The following TAFA1 variants were observed in gnomAD, a reference collection of about 807,000 sequenced individuals.
TAFA1 encodes the protein chemokine-like protein TAFA-1.
A neutral mutation model predicts 18.5 loss-of-function variants in TAFA1; 4 were observed. The ratio of observed to expected loss-of-function variants is 0.22; its 90% CI spans 0.11 to 0.49. The LOEUF (loss-of-function observed/expected upper bound fraction) is 0.49. Ranked by LOEUF, TAFA1 falls within the 20% of genes least tolerant of loss-of-function variation. The pLI, the probability that TAFA1 is intolerant of heterozygous loss-of-function variation, is 0.98. For synonymous variants in TAFA1, 56 were observed against 55.2 expected (o/e 1.01, Z -0.06); for missense variants, 147 against 169.0 (o/e 0.87, Z 0.72).
In TAFA1 at chr3:68,187,907, A is replaced by T. The variant is rs545694995; in HGVS notation, c.118+181163A>T. Reference sequence around the variant, plus strand: ...GGCTTTAATTTGCATTTTGTTAATTACTAATGAAGTTGAGCAATTGTTTGC... The same window carrying T: ...GGCTTTAATTTGCATTTTGTTAATTTCTAATGAAGTTGAGCAATTGTTTGC... On this transcript the variant is annotated intron_variant, in intron 2 of 4. Coordinates refer to ENST00000478136, the MANE Select transcript of TAFA1 (RefSeq NM_213609.4). Among the ~76,000 whole-genome samples, 3 of 152,110 alleles carry T rather than the reference A, an allele frequency of 2.0e-5. No homozygotes were observed. The South Asian group carries it at 6.2e-4, about 32-fold the overall frequency.
intron 3 of TAFA1, among the ~76,000 whole-genome samples, chr3:68,418,155 G>A (rs138552212): frequency 7.2e-5 from 11 of 152,120 alleles, no homozygotes; most frequent in Admixed American, 1.3e-4. Flanking sequence ...ATGCGCATCC[G>A]TGTGAAGATA....
rs1364022815 is a variant in TAFA1 at position 68,538,622 on chromosome 3, T to G, written c.260-134T>G. On this transcript the variant is annotated intron_variant, in intron 3 of 4. Coordinates refer to ENST00000478136, the MANE Select transcript of TAFA1 (RefSeq NM_213609.4). ...AAATCTTATTTTTTTAATAGAGCTT[T>G]CTTAGCTAGTCATGGAGGATTAAAG... is the stretch of plus-strand genomic sequence containing the variant. 1.3e-5 allele frequency: 10 copies of G among 750,896 alleles called. No homozygotes were observed. The East Asian group carries it at 2.5e-4, about 19-fold the overall frequency. The allele number at this position is 750,896 out of a possible 1,614,324, so 46.5% of individuals were successfully genotyped here. A position where few individuals can be genotyped will look rare whatever the true frequency, so the allele number is the denominator to read the frequency against.
At chr3:68,001,743 A>G (rs918977573), upstream of TAFA1, among the ~76,000 whole-genome samples, 5 of 152,200 alleles carry the variant, frequency 3.3e-5, no homozygotes, top group African/African-American at 4.8e-5. Context: ...ATTACAAGAT[A>G]AAGTTTTCAT....
In TAFA1 at chr3:68,090,248, C is replaced by T. The variant is rs1228853131; in HGVS notation, c.118+83504C>T. ...TATGTTTCTGTCTTTTAGAATCAAA[C>T]ATTTATTCTGAGATGCTTACAGATT... On this transcript the variant is annotated intron_variant, in intron 2 of 4. Coordinates refer to ENST00000478136, the MANE Select transcript of TAFA1 (RefSeq NM_213609.4). Among the ~76,000 whole-genome samples the T allele has an allele frequency of 2.0e-5, 3 of 152,120 alleles. No homozygotes were observed. In the East Asian group the frequency reaches 5.8e-4, roughly 29 times the overall value.
At chr3:68,119,689 T>C (rs1575626898) in intron 2 of TAFA1, among the ~76,000 whole-genome samples, 1 of 152,312 alleles carries the variant, frequency 6.6e-6, no homozygotes, top group East Asian at 1.9e-4. Context: ...TGAGCAGATA[T>C]GTGAGGGCTT....
chr3:68,155,512 C>T (rs1300588124), intron 2 of TAFA1, among the ~76,000 whole-genome samples: 2 of 152,088 alleles, frequency 1.3e-5, no homozygotes, highest in Non-Finnish European at 2.9e-5. Context: ...TGTCTCAAAC[C>T]CTAATCCCTG....
chr3:68,206,843 G>A (rs1455482825), intron 2 of TAFA1, among the ~76,000 whole-genome samples: 1 of 151,822 alleles, frequency 6.6e-6, no homozygotes, highest in Non-Finnish European at 1.5e-5. Context: ...AGTTACCCTA[G>A]CCCGGAGAAA....
At chr3:68,007,204 GT>G (rs1704373283) in intron 2 of TAFA1, among the ~76,000 whole-genome samples, 2 of 152,196 alleles carry the variant, frequency 1.3e-5, no homozygotes, top group African/African-American at 4.8e-5. Flanking sequence ...TTCTTGCCTG[GT>G]TTAATGTGCC....
chr3:68,209,435 T>A (rs967652194), intron 2 of TAFA1, among the ~76,000 whole-genome samples: 4 of 152,072 alleles, frequency 2.6e-5, no homozygotes, highest in African/African-American at 9.7e-5. Flanking sequence ...AAATGGATAA[T>A]GTGGCTCTAT....
At chr3:68,346,640 G>A (rs1559627209) in intron 2 of TAFA1, among the ~76,000 whole-genome samples, 1 of 152,170 alleles carries the variant, frequency 6.6e-6, no homozygotes, top group Non-Finnish European at 1.5e-5. Context: ...CATTTTTGAG[G>A]CTCTATCATC....
At chr3:68,488,138 G>C (rs1223341255) in intron 3 of TAFA1, among the ~76,000 whole-genome samples, 1 of 152,132 alleles carries the variant, frequency 6.6e-6, no homozygotes, top group African/African-American at 2.4e-5. Flanking sequence ...AGTTTATTAA[G>C]GAGTATTGAC....
At chr3:68,162,538 AC>A (rs1416599846) in intron 2 of TAFA1, among the ~76,000 whole-genome samples, 1 of 152,156 alleles carries the variant, frequency 6.6e-6, no homozygotes, top group Admixed American at 6.5e-5. Context: ...CCTGGTCTGG[AC>A]CACTCTGCTC....
At chr3:68,241,168 A>C (rs952931137) in intron 2 of TAFA1, among the ~76,000 whole-genome samples, 6 of 152,190 alleles carry the variant, frequency 3.9e-5, no homozygotes, top group Admixed American at 1.3e-4. Flanking sequence ...GTTGCAAAAT[A>C]GTACTTATAT....
intron 3 of TAFA1, among the ~76,000 whole-genome samples, chr3:68,429,265 A>C (rs1050780613): frequency 6.6e-6 from 1 of 151,910 alleles, no homozygotes; most frequent in African/African-American, 2.4e-5. Context: ...TAAAACTGGT[A>C]ATTTTACTGG....
At chr3:68,115,626 C>G (rs1445632325) in intron 2 of TAFA1, among the ~76,000 whole-genome samples, 2 of 152,194 alleles carry the variant, frequency 1.3e-5, no homozygotes, top group African/African-American at 4.8e-5. Flanking sequence ...TGCTTTGTTT[C>G]TTGCTCCCTG....
the TAFA1 span, among the ~76,000 whole-genome samples, chr3:67,993,594 A>T: frequency 6.6e-6 from 1 of 152,168 alleles, no homozygotes; most frequent in African/African-American, 2.4e-5. Flanking sequence ...CTACAGGGGG[A>T]AAAATAAACA....
chr3:68,287,912 G>C (rs753116218), intron 2 of TAFA1, among the ~76,000 whole-genome samples: 1 of 117,340 alleles, frequency 8.5e-6, no homozygotes, highest in Non-Finnish European at 1.7e-5. Flanking sequence ...TTTGTTGGGG[G>C]GTGGGGGGGC....
intron 2 of TAFA1, among the ~76,000 whole-genome samples, chr3:68,300,381 C>T (rs1280324632): frequency 1.3e-5 from 2 of 151,680 alleles, no homozygotes; most frequent in African/African-American, 2.4e-5. Context: ...TCACATTAGC[C>T]AAATGTGAGA....
intron 3 of TAFA1, among the ~76,000 whole-genome samples, chr3:68,418,184 G>A (rs971724770): frequency 6.6e-6 from 1 of 152,150 alleles, no homozygotes; most frequent in African/African-American, 2.4e-5. Context: ...CAGGCTTTGT[G>A]TGAGCAATAA....
Sources: gnomAD v4.1 joint callset for allele counts (sites outside exome capture counted in the v4.1 genomes callset) on GRCh38, gnomAD v4.1.1 for gene constraint, MANE v1.5 for transcripts, NCBI Gene and HGNC (gene_info 2026-07-23, HGNC 2026-07-21) for gene names.